ENTPD6: variants seen among roughly 807,000 people sequenced by gnomAD.
ENTPD6 encodes the protein CD39 antigen-like 2.
In ENTPD6, 46 loss-of-function variants were observed where a neutral mutation model predicts 61.5. The observed-to-expected ratio is 0.75, with a 90% CI of 0.59 to 0.96. ENTPD6 has a LOEUF of 0.96. Ranked by LOEUF, ENTPD6 falls within the 40% of genes least tolerant of loss-of-function variation. The pLI is 0.00. For synonymous variants in ENTPD6, 252 were observed against 255.5 expected, an observed-to-expected ratio of 0.99 and a Z score of 0.13; for missense variants, 612 against 629.0, an observed-to-expected ratio of 0.97 and a Z score of 0.29.
chr20:25,199,369 C>G (rs1600485820), intron 1 of ENTPD6, among the ~76,000 whole-genome samples: 1 of 152,332 alleles, frequency 6.6e-6, no homozygotes, highest in Admixed American at 6.5e-5. Context: ...GTATTTGACA[C>G]AGTGGGTGGG....
intron 1 of ENTPD6, 43 bp downstream of exon 1, chr20:25,195,910 A>G (rs1184336518): frequency 3.0e-5 from 37 of 1,224,414 alleles, no homozygotes; most frequent in Non-Finnish European, 3.7e-5. Flanking sequence ...GCCGGGGATC[A>G]CCGACTGTAG....
chr20:25,218,409 G>T, intron 9 of ENTPD6, 141 bp from the exon 10 acceptor site: 1 of 715,848 alleles, frequency 1.4e-6, no homozygotes, highest in East Asian at 2.8e-5. Flanking sequence ...ACAGAAACAG[G>T]CTTTTAGAAG....
intron 1 of ENTPD6, among the ~76,000 whole-genome samples, chr20:25,205,857 C>T (rs1219479374): frequency 6.6e-6 from 1 of 152,210 alleles, no homozygotes; most frequent in African/African-American, 2.4e-5. Context: ...CCAGGAATGG[C>T]CTGCTCCCCG....
intron 4 of ENTPD6, among the ~76,000 whole-genome samples, chr20:25,212,179 A>G (rs2092010389): frequency 6.6e-6 from 1 of 152,194 alleles, no homozygotes; most frequent in Non-Finnish European, 1.5e-5. Context: ...ACAACCAGCC[A>G]CATTCCCAGA....
chr20:25,225,343 C>T (rs2092769483), intron 14 of ENTPD6, 26 bp downstream of exon 14: 3 of 1,611,568 alleles, frequency 1.9e-6, no homozygotes, highest in Admixed American at 3.3e-5. Flanking sequence ...GGTCACGCCC[C>T]AGCCCCTTTA....
chr20:25,227,548 C>T lies in ENTPD6; in HGVS notation c.*1951C>T, dbSNP rs1600707052. Among the ~76,000 whole-genome samples, 1 of 152,190 alleles carries T rather than the reference C, an allele frequency of 6.6e-6. No homozygotes were observed. The highest frequency in any genetic ancestry group is 1.5e-5 in the Non-Finnish European group (1 of 68,036). On this transcript the variant is annotated 3_prime_UTR_variant, in exon 15 of 15. Coordinates refer to ENST00000376652, the MANE Select transcript of ENTPD6 (RefSeq NM_001247.5). ...GTGTCTTTTGTGATAATGAAGTAGG[C>T]TCTCATTTGTCAAAAATAGCTACAC...
chr20:25,215,720 A>C lies in ENTPD6; in HGVS notation c.709+9A>C. ...CATCAACTTCCTGACAGGTGTGTGC[A>C]CACTGCATCACAGAGGCTAGCCGAT... On this transcript the variant is annotated intron_variant, in intron 7 of 14. Coordinates refer to ENST00000376652, the MANE Select transcript of ENTPD6 (RefSeq NM_001247.5). The C allele has an allele frequency of 6.2e-7, 1 of 1,614,134 alleles. No homozygotes were observed. Among genetic ancestry groups the C allele is most frequent in the Non-Finnish European group, 8.5e-7 (1 of 1,179,960 alleles).
chr20:25,218,126 C>T (rs1568639340), intron 9 of ENTPD6, among the ~76,000 whole-genome samples: 1 of 152,226 alleles, frequency 6.6e-6, no homozygotes, highest in Non-Finnish European at 1.5e-5. Context: ...AGTATACGCA[C>T]ATTCCTCCTT....
chr20:25,211,841 C>T (rs557167217), intron 4 of ENTPD6, among the ~76,000 whole-genome samples: 2 of 152,194 alleles, frequency 1.3e-5, no homozygotes, highest in South Asian at 4.2e-4. Context: ...TGAGGTCTCT[C>T]TCTATCACCC....
chr20:25,202,084 GTTA>G (rs1365251794), intron 1 of ENTPD6, among the ~76,000 whole-genome samples: 4 of 152,144 alleles, frequency 2.6e-5, no homozygotes, highest in African/African-American at 7.2e-5. Flanking sequence ...AACAGAAAAT[GTTA>G]TTATAATAAG....
At chr20:25,223,299 AGGCCT>A in intron 12 of ENTPD6, among the ~76,000 whole-genome samples, 1 of 152,126 alleles carries the variant, frequency 6.6e-6, no homozygotes, top group Admixed American at 6.5e-5. Flanking sequence ...TGGCTACAGG[AGGCCT>A]CCTGTGACCT....
At chr20:25,223,887 G>T (rs558837525) in intron 12 of ENTPD6, 4 of 431,082 alleles carry the variant, frequency 9.3e-6, no homozygotes, top group African/African-American at 6.1e-5. Flanking sequence ...TGGGTTGTGG[G>T]GTGACCCTCT....
At chr20:25,200,676 T>G (rs911388127) in intron 1 of ENTPD6, among the ~76,000 whole-genome samples, 1 of 152,172 alleles carries the variant, frequency 6.6e-6, no homozygotes, top group Admixed American at 6.5e-5. Flanking sequence ...TGAGTCTTCT[T>G]TCTTTATTCC....
At chr20:25,207,438 C>T in intron 3 of ENTPD6, 41 bp downstream of exon 3, 1 of 1,496,592 alleles carries the variant, frequency 6.7e-7, no homozygotes, top group Non-Finnish European at 8.9e-7. Flanking sequence ...ATCTCCTCCC[C>T]TGTGCTACAG....
At chr20:25,224,023 C>A in intron 12 of ENTPD6, 78 bp from the exon 13 acceptor site, 1 of 1,395,364 alleles carries the variant, frequency 7.2e-7, no homozygotes, top group Non-Finnish European at 1.0e-6. Flanking sequence ...GGCTGGCGTT[C>A]CCCGTGCCAG....
intron 2 of ENTPD6, 74 bp from the exon 3 acceptor site, chr20:25,207,002 C>A: frequency 1.5e-6 from 2 of 1,364,054 alleles, no homozygotes; most frequent in Non-Finnish European, 1.0e-6. Flanking sequence ...TGTCCCTGGG[C>A]CTGGGGACGT....
intron 4 of ENTPD6, 103 bp from the exon 5 acceptor site, chr20:25,213,160 C>G: frequency 7.4e-7 from 1 of 1,354,892 alleles, no homozygotes; most frequent in East Asian, 2.3e-5. Context: ...CACAGTGAGA[C>G]TCTGTCTCCA....
In ENTPD6 at chr20:25,210,012, A is replaced by G. The variant is rs1451815727; in HGVS notation, c.453+87A>G. ...CCTTTGAATGTGGTAGGCTGTCTTCACAAAGGAAGGGGGCTTTGACAGTGC... is the reference window on the plus strand; with the variant it reads ...CCTTTGAATGTGGTAGGCTGTCTTCGCAAAGGAAGGGGGCTTTGACAGTGC... On this transcript the variant is annotated intron_variant, in intron 4 of 14. Coordinates refer to ENST00000376652, the MANE Select transcript of ENTPD6 (RefSeq NM_001247.5). The G allele has an allele frequency of 2.5e-6, 3 of 1,213,668 alleles. No homozygotes were observed. The East Asian group carries it at 7.0e-5, about 28-fold the overall frequency. The allele number at this position is 1,213,668 out of a possible 1,614,324, so 75.2% of individuals were successfully genotyped here.
chr20:25,196,001 G>A, intron 1 of ENTPD6, 134 bp downstream of exon 1: 1 of 856,022 alleles, frequency 1.2e-6, no homozygotes, highest in Non-Finnish European at 1.5e-6. Flanking sequence ...ACCTCCTGCT[G>A]CCTTCCTGTC....
Sources: allele counts gnomAD v4.1 joint callset (sites outside exome capture counted in the v4.1 genomes callset), GRCh38; gene constraint gnomAD v4.1.1; transcripts MANE v1.5; gene names NCBI Gene and HGNC (gene_info 2026-07-23, HGNC 2026-07-21).